Variants in CYYR1 observed in about 807,000 individuals in gnomAD.
CYYR1 encodes cysteine and tyrosine rich 1.
In CYYR1, 14 loss-of-function variants were observed where a neutral mutation model predicts 15.2. The ratio of observed to expected loss-of-function variants is 0.92; its 90% CI spans 0.61 to 1.44. The LOEUF (loss-of-function observed/expected upper bound fraction) is 1.44, where lower values mean the gene tolerates loss of function less well. Ranked by LOEUF, CYYR1 falls within the 40% of genes most tolerant of loss-of-function variation. The pLI is 0.00. For synonymous variants in CYYR1, 80 were observed against 77.4 expected (o/e 1.03, Z -0.18); for missense variants, 228 against 209.5 (o/e 1.09, Z -0.54).
At chr21:26,518,720 T>C (rs1244924192) in intron 2 of CYYR1, 3 of 152,366 alleles carry the variant, frequency 2.0e-5, no homozygotes, top group East Asian at 3.9e-4. Flanking sequence ...TCATTTATGA[T>C]GCTGCCTGAC....
At position 26,474,408 on chromosome 21, in the gene CYYR1, CTT is replaced by C. The variant is rs35912064; in HGVS notation, c.335-5776_335-5775del. On this transcript the variant is annotated intron_variant, in intron 3 of 3. Transcript: ENST00000652641. ...ATGAAAAAAGAAGAATACACCGTGCCTTTTTTTTTTTTTTTTTTTTAACAGAG... is the reference window on the plus strand; with the variant it reads ...ATGAAAAAAGAAGAATACACCGTGCCTTTTTTTTTTTTTTTTTTAACAGAG... 5.8e-3 allele frequency among the ~76,000 whole-genome samples: 727 copies of C among 125,506 alleles called. 7 individuals are homozygous for C. Among genetic ancestry groups the C allele is most frequent in the African/African-American group, 0.019 (635 of 32,768 alleles). 82.3% of individuals were successfully genotyped at this position (125,506 alleles called of 152,430 possible). A position where few individuals can be genotyped will look rare whatever the true frequency, so the allele number is the denominator to read the frequency against.
At chr21:26,517,767 C>T (rs1275218812) in intron 2 of CYYR1, among the ~76,000 whole-genome samples, 1 of 152,114 alleles carries the variant, frequency 6.6e-6, no homozygotes, top group Non-Finnish European at 1.5e-5. Flanking sequence ...TGCTGCCCAG[C>T]CTGGTCTCGA....
chr21:26,559,141 G>A lies in CYYR1; in HGVS notation c.176+7125C>T, dbSNP rs139328994. On this transcript the variant is annotated intron_variant, in intron 2 of 3. Transcript: ENST00000652641. ...CATTGCTTGGCACTATCAGACTTAC[G>A]GAGTATTTGAGCCCAATGGGTATGA... 2.5e-3 allele frequency among the ~76,000 whole-genome samples: 383 copies of A among 152,204 alleles called. 4 individuals carry two copies. Among genetic ancestry groups the A allele is most frequent in the African/African-American group, 7.1e-3 (294 of 41,534 alleles).
At chr21:26,539,733 T>C (rs1157733242) in intron 2 of CYYR1, among the ~76,000 whole-genome samples, 1 of 152,228 alleles carries the variant, frequency 6.6e-6, no homozygotes. Flanking sequence ...TTTCAAAATG[T>C]TGCTTCTTTT....
At chr21:26,555,711 G>T (rs1377761719) in intron 2 of CYYR1, among the ~76,000 whole-genome samples, 1 of 152,186 alleles carries the variant, frequency 6.6e-6, no homozygotes, top group Admixed American at 6.5e-5. Context: ...ACCTTATGAG[G>T]TTATCATCAC....
chr21:26,544,218 A>G (rs142765108), intron 2 of CYYR1, among the ~76,000 whole-genome samples: 24 of 152,172 alleles, frequency 1.6e-4, no homozygotes, highest in Non-Finnish European at 2.5e-4. Context: ...ATACAGGAAA[A>G]CTGTTCAGCT....
At position 26,573,218 on chromosome 21, in the gene CYYR1, G is replaced by T; in HGVS notation, c.-278C>A. On this transcript the variant is annotated 5_prime_UTR_variant, in exon 1 of 4. Transcript: ENST00000652641. ...TCGCCCCACTGCGCTCAGGCGCGGGGAAGGCGGCCACTCCGGCGTCCTTGG... is the reference window on the plus strand; with the variant it reads ...TCGCCCCACTGCGCTCAGGCGCGGGTAAGGCGGCCACTCCGGCGTCCTTGG... 3 of 1,424,714 alleles carry T rather than the reference G, an allele frequency of 2.1e-6. No homozygotes were observed. The highest frequency in any genetic ancestry group is 2.8e-6 in the Non-Finnish European group (3 of 1,081,108). The allele number at this position is 1,424,714 out of a possible 1,614,324, so 88.3% of individuals were successfully genotyped here.
At chr21:26,555,874 T>A (rs188142223) in intron 2 of CYYR1, among the ~76,000 whole-genome samples, 5 of 152,234 alleles carry the variant, frequency 3.3e-5, no homozygotes, top group African/African-American at 1.2e-4. Flanking sequence ...AATTCTTCCC[T>A]CCTCAATTTT....
chr21:26,501,934 A>T (rs982906484), intron 2 of CYYR1, among the ~76,000 whole-genome samples: 20 of 152,222 alleles, frequency 1.3e-4, no homozygotes, highest in Admixed American at 1.1e-3. Flanking sequence ...ACACCAAAGG[A>T]TCTTGGCTTG....
chr21:26,544,864 A>AGGTCC (rs1978842408), intron 2 of CYYR1, among the ~76,000 whole-genome samples: 1 of 151,986 alleles, frequency 6.6e-6, no homozygotes, highest in South Asian at 2.1e-4. Context: ...GGTGGATCCT[A>AGGTCC]GGAGTTCCAG....
At chr21:26,494,340 A>G (rs1169026726) in intron 2 of CYYR1, among the ~76,000 whole-genome samples, 1 of 152,216 alleles carries the variant, frequency 6.6e-6, no homozygotes, top group Non-Finnish European at 1.5e-5. Context: ...TATTCACACA[A>G]TTATCTCCCC....
intron 2 of CYYR1, among the ~76,000 whole-genome samples, chr21:26,488,902 T>C (rs947748909): frequency 1.3e-5 from 2 of 152,088 alleles, no homozygotes; most frequent in Non-Finnish European, 2.9e-5. Context: ...AACAAACTAG[T>C]TTAAAAAAAA....
chr21:26,487,863 G>T, intron 2 of CYYR1, among the ~76,000 whole-genome samples: 1 of 150,826 alleles, frequency 6.6e-6, no homozygotes. Context: ...AAAATGCTTA[G>T]GAGGGTAGGA....
chr21:26,562,757 CACA>C (rs1208823256), intron 2 of CYYR1, among the ~76,000 whole-genome samples: 2 of 143,456 alleles, frequency 1.4e-5, no homozygotes, highest in Non-Finnish European at 3.1e-5. Flanking sequence ...CACACACACA[CACA>C]GAGACATACA....
chr21:26,526,106 C>G (rs2065861404), intron 2 of CYYR1, among the ~76,000 whole-genome samples: 1 of 151,986 alleles, frequency 6.6e-6, no homozygotes, highest in South Asian at 2.1e-4. Flanking sequence ...ACAACAAACC[C>G]CCACGACACA....
intron 2 of CYYR1, among the ~76,000 whole-genome samples, chr21:26,485,057 C>T (rs577571022): frequency 3.3e-5 from 5 of 152,130 alleles, no homozygotes; most frequent in East Asian, 1.9e-4. Context: ...ATAATTGGCT[C>T]AGTCAACTGT....
At chr21:26,549,804 C>T (rs1450443099) in intron 2 of CYYR1, among the ~76,000 whole-genome samples, 2 of 152,122 alleles carry the variant, frequency 1.3e-5, no homozygotes, top group South Asian at 2.1e-4. Flanking sequence ...AATCCACTGA[C>T]ACGCCTCATA....
chr21:26,544,357 G>C (rs1157744926), intron 2 of CYYR1, among the ~76,000 whole-genome samples: 2 of 152,080 alleles, frequency 1.3e-5, no homozygotes, highest in African/African-American at 4.8e-5. Flanking sequence ...ACCTGACCAG[G>C]ATTTATGAAT....
At chr21:26,515,867 A>G (rs770558385) in intron 2 of CYYR1, among the ~76,000 whole-genome samples, 8 of 152,174 alleles carry the variant, frequency 5.3e-5, no homozygotes, top group Non-Finnish European at 8.8e-5. Flanking sequence ...GCTCTTTCAT[A>G]TGGGCAATTT....
Sources: allele counts gnomAD v4.1 joint callset (sites outside exome capture counted in the v4.1 genomes callset), GRCh38; gene constraint gnomAD v4.1.1; transcripts MANE v1.5; gene names NCBI Gene and HGNC (gene_info 2026-07-23, HGNC 2026-07-21).